The following NCKAP5 variants were observed in gnomAD, a reference collection of about 807,000 sequenced individuals.
NCKAP5 encodes the protein nck-associated protein 5.
In NCKAP5, 92 loss-of-function variants were observed where a neutral mutation model predicts 167.0. That is an observed-to-expected ratio of 0.55 (90% CI 0.47 to 0.66). NCKAP5 has a LOEUF of 0.66. NCKAP5 is among the 30% of genes least tolerant of loss of function. NCKAP5 has a pLI of 0.00. For synonymous variants in NCKAP5, 891 were observed against 877.4 expected (o/e 1.02, Z -0.27); for missense variants, 2,378 against 2,315.0 (o/e 1.03, Z -0.56).
chr2:133,383,075 T>G (rs965242222), intron 3 of NCKAP5, among the ~76,000 whole-genome samples: 1 of 152,170 alleles, frequency 6.6e-6, no homozygotes, highest in Non-Finnish European at 1.5e-5. Flanking sequence ...AAAAAAATTT[T>G]TTTATTATAC....
At chr2:133,389,427 G>A (rs1218315973) in intron 3 of NCKAP5, among the ~76,000 whole-genome samples, 1 of 152,156 alleles carries the variant, frequency 6.6e-6, no homozygotes, top group East Asian at 1.9e-4. Flanking sequence ...AACTACATAG[G>A]TACCTGAGTT....
At chr2:133,036,989 G>C (rs887381854) in intron 6 of NCKAP5, among the ~76,000 whole-genome samples, 3 of 151,914 alleles carry the variant, frequency 2.0e-5, no homozygotes, top group Non-Finnish European at 2.9e-5. Flanking sequence ...AAATCAACAT[G>C]CAAAAATCAG....
At chr2:133,050,534 C>T (rs1218413214) in intron 6 of NCKAP5, among the ~76,000 whole-genome samples, 2 of 152,144 alleles carry the variant, frequency 1.3e-5, no homozygotes, top group African/African-American at 4.8e-5. Flanking sequence ...GATGATAACA[C>T]ACTTTGTACT....
At chr2:133,634,197 A>G in the NCKAP5 span, among the ~76,000 whole-genome samples, 5 of 152,168 alleles carry the variant, frequency 3.3e-5, no homozygotes, top group African/African-American at 1.2e-4. Flanking sequence ...GCTTGCCAGT[A>G]TGAAAAGAGT....
intron 16 of NCKAP5, among the ~76,000 whole-genome samples, chr2:132,742,884 G>A (rs767177856): frequency 3.3e-5 from 5 of 151,856 alleles, no homozygotes; most frequent in Non-Finnish European, 5.9e-5. Flanking sequence ...CTGAAGTTGA[G>A]ATGAGTCCAT....
intron 4 of NCKAP5, among the ~76,000 whole-genome samples, chr2:133,247,257 C>T (rs556571690): frequency 2.6e-5 from 4 of 152,282 alleles, no homozygotes; most frequent in African/African-American, 7.2e-5. Flanking sequence ...ATTTTCAACA[C>T]ACAAATCTAG....
At chr2:132,993,207 T>C (rs1170390695) in intron 7 of NCKAP5, among the ~76,000 whole-genome samples, 1 of 152,230 alleles carries the variant, frequency 6.6e-6, no homozygotes, top group East Asian at 1.9e-4. Context: ...TCCTTGCTTT[T>C]TAAAGCTTTT....
At chr2:133,385,193 T>C (rs910237029) in intron 3 of NCKAP5, among the ~76,000 whole-genome samples, 3 of 152,236 alleles carry the variant, frequency 2.0e-5, no homozygotes, top group African/African-American at 4.8e-5. Context: ...CTGTCATAAA[T>C]AGCTCTTATT....
chr2:133,455,275 T>G (rs1179551371), intron 3 of NCKAP5, among the ~76,000 whole-genome samples: 11 of 152,146 alleles, frequency 7.2e-5, no homozygotes, highest in African/African-American at 2.7e-4. Flanking sequence ...TATGCCCATT[T>G]CATCCCTTTC....
At chr2:132,794,365 G>T (rs1684400997) in intron 12 of NCKAP5, among the ~76,000 whole-genome samples, 1 of 144,758 alleles carries the variant, frequency 6.9e-6, no homozygotes, top group South Asian at 2.3e-4. Context: ...AGGCACAGTG[G>T]CTCACACCTG....
chr2:133,518,132 G>T (rs942724300), intron 2 of NCKAP5, among the ~76,000 whole-genome samples: 5 of 152,044 alleles, frequency 3.3e-5, no homozygotes, highest in Non-Finnish European at 7.4e-5. Flanking sequence ...TGAATGGTGG[G>T]TGATGTCATT....
intron 11 of NCKAP5, among the ~76,000 whole-genome samples, chr2:132,801,106 T>C (rs746754071): frequency 6.6e-5 from 10 of 152,152 alleles, no homozygotes; most frequent in Non-Finnish European, 1.2e-4. Context: ...TCTTCCATGC[T>C]CTTTATCCTT....
chr2:133,161,646 C>A (rs1417509344), intron 5 of NCKAP5, among the ~76,000 whole-genome samples: 1 of 152,222 alleles, frequency 6.6e-6, no homozygotes, highest in Admixed American at 6.5e-5. Flanking sequence ...AGCCCTGCAA[C>A]CCTTAGGTGG....
chr2:132,781,253 T>C, intron 14 of NCKAP5, 24 bp from the exon 15 acceptor site: 2 of 1,603,886 alleles, frequency 1.2e-6, no homozygotes, highest in South Asian at 1.1e-5. Flanking sequence ...GTGATTCCTC[T>C]GATAAGTTAC....
intron 16 of NCKAP5, among the ~76,000 whole-genome samples, chr2:132,769,368 A>G (rs1408090648): frequency 6.6e-6 from 1 of 152,226 alleles, no homozygotes; most frequent in Non-Finnish European, 1.5e-5. Context: ...TTCTCTGTCA[A>G]AGACATTAGT....
Position 133,066,401 on chromosome 2 carries a change from A to C in NCKAP5, c.341+63577T>G, listed in dbSNP as rs183801877. ...TATAATTAAATTCAAATCCATCACA[A>C]ATTCTCTGGATAAGTCAGAATCTTA... On this transcript the variant is annotated intron_variant, in intron 6 of 19. Coordinates refer to ENST00000409261, the MANE Select transcript of NCKAP5 (RefSeq NM_207363.3). Among the ~76,000 whole-genome samples, 266 of 152,308 alleles carry C rather than the reference A, an allele frequency of 1.7e-3. 1 individual carries two copies. The highest frequency in any genetic ancestry group is 0.017 in the Middle Eastern group (5 of 294).
chr2:132,752,202 GCATGCA>G (rs1680174258), intron 16 of NCKAP5, among the ~76,000 whole-genome samples: 1 of 152,198 alleles, frequency 6.6e-6, no homozygotes, highest in Non-Finnish European at 1.5e-5. Context: ...CCATTTGCAG[GCATGCA>G]GGTTTTAGGG....
chr2:132,848,473 T>A (rs183860413), intron 11 of NCKAP5, among the ~76,000 whole-genome samples: 1 of 152,284 alleles, frequency 6.6e-6, no homozygotes, highest in East Asian at 1.9e-4. Context: ...AATGTAACAA[T>A]GAAATATGAG....
intron 7 of NCKAP5, among the ~76,000 whole-genome samples, chr2:132,965,736 G>T (rs2076640827): frequency 6.6e-6 from 1 of 152,088 alleles, no homozygotes; most frequent in South Asian, 2.1e-4. Context: ...ATGGTACCTA[G>T]GTTAGAATCC....
Sources: allele counts gnomAD v4.1 joint callset (sites outside exome capture counted in the v4.1 genomes callset), GRCh38; gene constraint gnomAD v4.1.1; transcripts MANE v1.5; gene names NCBI Gene and HGNC (gene_info 2026-07-23, HGNC 2026-07-21).